PAX2: variants seen among roughly 807,000 people sequenced by gnomAD.
PAX2 encodes paired box 2, also known as paired box protein Pax-2.
PAX2 carries 9 observed loss-of-function variants against 41.7 expected under a neutral mutation model. The observed-to-expected ratio is 0.22, with a 90% CI of 0.13 to 0.38. PAX2 has a LOEUF of 0.38. Among genes scored for constraint, PAX2 ranks in the 10% least tolerant of loss-of-function variants. The pLI is 1.00. For missense variants in PAX2, 418 were observed against 531.6 expected (o/e 0.79, Z 2.10); for synonymous variants, 221 against 212.7 (o/e 1.04, Z -0.34).
chr10:100,769,669 TAA>T (rs1009617472), intron 3 of PAX2, among the ~76,000 whole-genome samples: 27 of 143,178 alleles, frequency 1.9e-4, no homozygotes, highest in Non-Finnish European at 3.5e-4. Context: ...TAAAATAAAA[TAA>T]AAAAATAAAA....
chr10:100,767,635 G>A (rs1278032933), intron 3 of PAX2, among the ~76,000 whole-genome samples: 1 of 152,112 alleles, frequency 6.6e-6, no homozygotes, highest in Admixed American at 6.6e-5. Flanking sequence ...CAGTCTGCAA[G>A]CAATTTTAAT....
At position 100,748,597 on chromosome 10, in the gene PAX2, G is replaced by A; in HGVS notation, c.44-1149G>A. The A allele has an allele frequency of 1.0e-6, 1 of 985,436 alleles. No individual in the cohort carries two copies. The highest frequency in any genetic ancestry group is 5.2e-4 in the Middle Eastern group (1 of 1,914). The allele number at this position is 985,436 out of a possible 1,614,324, so 61.0% of individuals were successfully genotyped here. A position where few individuals can be genotyped will look rare whatever the true frequency, so the allele number is the denominator to read the frequency against. The stretch of plus-strand genomic sequence containing the variant: ...TGCTCAGTACCTGCGGCTACGGGTT[G>A]ATCGCTCTGGGTGCAGGATTTCTAG... On this transcript the variant is annotated intron_variant, in intron 1 of 9. Transcript: ENST00000355243. This position sits in a 1 kb window ranked among gnomAD's most constrained non-coding sequence, Gnocchi z 5.0.
At chr10:100,780,941 C>T (rs974697797) in intron 4 of PAX2, among the ~76,000 whole-genome samples, 4 of 152,190 alleles carry the variant, frequency 2.6e-5, no homozygotes, top group Non-Finnish European at 5.9e-5. Flanking sequence ...GCCTGTACTC[C>T]ATCCGTCTTT....
upstream of PAX2, among the ~76,000 whole-genome samples, chr10:100,743,434 G>A (rs1477711202): frequency 6.7e-6 from 1 of 148,314 alleles, no homozygotes; most frequent in Admixed American, 6.7e-5. Context: ...AAGGGGGGGG[G>A]TTTACTCACA....
At chr10:100,795,451 A>G (rs1564731412) in intron 5 of PAX2, among the ~76,000 whole-genome samples, 1 of 152,222 alleles carries the variant, frequency 6.6e-6, no homozygotes, top group Non-Finnish European at 1.5e-5. Context: ...ACTCAGGGCA[A>G]CTAGGGAAGT....
At chr10:100,778,379 G>T (rs966067005) in intron 3 of PAX2, among the ~76,000 whole-genome samples, 1 of 152,124 alleles carries the variant, frequency 6.6e-6, no homozygotes, top group Non-Finnish European at 1.5e-5. Flanking sequence ...TGATTCCCTC[G>T]GGTAACTGAG....
intron 3 of PAX2, among the ~76,000 whole-genome samples, chr10:100,765,982 G>A (rs12241106): frequency 0.02 from 3,023 of 152,136 alleles, 118 homozygotes; most frequent in African/African-American, 0.07. Context: ...AGTAGGAACC[G>A]TTACAAGCAT....
chr10:100,827,635 C>T lies in PAX2; in HGVS notation c.*16C>T. The T allele has an allele frequency of 6.2e-7, 1 of 1,614,042 alleles. No homozygotes were observed. Among genetic ancestry groups the T allele is most frequent in the Non-Finnish European group, 8.5e-7 (1 of 1,179,960 alleles). ...CCGCCACTAGTTACCGCGGGGACCA[C>T]ATCAAGCTTCAGGCCGACAGCTTCG... On this transcript the variant is annotated 3_prime_UTR_variant, in exon 10 of 10. Transcript: ENST00000355243. The surrounding 1 kb of genome is among the most constrained non-coding windows in gnomAD (Gnocchi z 8.5).
chr10:100,739,826 C>T (rs1844892042), intron 1 of PAX2, among the ~76,000 whole-genome samples: 1 of 152,216 alleles, frequency 6.6e-6, no homozygotes, highest in Non-Finnish European at 1.5e-5. Flanking sequence ...GGGCCGGCTG[C>T]TAAGAGAGTT....
rs530428760 is a variant in PAX2, at chr10:100,778,226, C to T, written c.411-1272C>T. Among the ~76,000 whole-genome samples the T allele has an allele frequency of 2.0e-3, 312 of 152,288 alleles. 1 individual carries two copies. Among genetic ancestry groups the T allele is most frequent in the African/African-American group, 6.8e-3 (282 of 41,550 alleles). On this transcript the variant is annotated intron_variant, in intron 3 of 9. Coordinates refer to ENST00000355243, the MANE Select transcript of PAX2 (RefSeq NM_000278.5). ...CTGCCATGCAGCCCAGTGTCCTTTC[C>T]GCCATCCTCTGTGCCTCTGATTTCA...
chr10:100,771,326 G>T (rs1170129464), intron 3 of PAX2, among the ~76,000 whole-genome samples: 1 of 152,150 alleles, frequency 6.6e-6, no homozygotes, highest in Non-Finnish European at 1.5e-5. Context: ...TCAGAACCCT[G>T]CCTGACATAT....
chr10:100,824,643 T>C lies in PAX2; in HGVS notation c.920-5T>C, dbSNP rs1433609297. 6.2e-7 allele frequency: 1 copy of C among 1,600,670 alleles called. No individual in the cohort carries two copies. Among genetic ancestry groups the C allele is most frequent in the Non-Finnish European group, 8.6e-7 (1 of 1,167,748 alleles). On this transcript the variant is annotated splice_region_variant and splice_polypyrimidine_tract_variant and intron_variant, in intron 7 of 9. Coordinates refer to ENST00000355243, the MANE Select transcript of PAX2 (RefSeq NM_000278.5). The surrounding 1 kb of genome is among the most constrained non-coding windows in gnomAD (Gnocchi z 6.6). The stretch of plus-strand genomic sequence containing the variant: ...CCTCACCCCTTCCCCTTTGTGTTTT[T>C]CCAGGTCGTGACATGGCGAGCACCA...
intron 7 of PAX2, among the ~76,000 whole-genome samples, chr10:100,819,259 A>AAG (rs1564743846): frequency 6.9e-6 from 1 of 144,722 alleles, no homozygotes; most frequent in Non-Finnish European, 1.5e-5. Context: ...AAAAAAAAAA[A>AAG]GGGGGGGGAG....
At chr10:100,735,948 G>GA (rs1844768628) in intron 1 of PAX2, among the ~76,000 whole-genome samples, 1 of 152,228 alleles carries the variant, frequency 6.6e-6, no homozygotes, top group Non-Finnish European at 1.5e-5. Flanking sequence ...TTTCCACTCA[G>GA]AAAATGTGAG....
intron 4 of PAX2, 25 bp from the exon 5 acceptor site, chr10:100,781,221 C>A (rs1305968778): frequency 6.2e-7 from 1 of 1,613,682 alleles, no homozygotes; most frequent in Admixed American, 1.7e-5. Context: ...TATCCTGATG[C>A]CATTTCCTCC....
intron 3 of PAX2, among the ~76,000 whole-genome samples, chr10:100,777,182 A>G (rs1589842835): frequency 6.7e-6 from 1 of 149,380 alleles, no homozygotes; most frequent in East Asian, 2.0e-4. Context: ...GCTCACTGCA[A>G]CCTCCGCCTC....
intron 6 of PAX2, among the ~76,000 whole-genome samples, chr10:100,808,754 T>C (rs7893559): frequency 0.024 from 3,639 of 152,208 alleles, 95 homozygotes; most frequent in African/African-American, 0.064. Context: ...CATGTCATGG[T>C]TCCCCCTCCT....
intron 5 of PAX2, among the ~76,000 whole-genome samples, chr10:100,795,230 C>T (rs891806191): frequency 1.3e-5 from 2 of 152,194 alleles, no homozygotes; most frequent in Non-Finnish European, 2.9e-5. Context: ...ATCTGGTTTA[C>T]ATCGATGAGC....
intron 5 of PAX2, among the ~76,000 whole-genome samples, chr10:100,802,054 G>T (rs1847583361): frequency 6.6e-6 from 1 of 152,208 alleles, no homozygotes; most frequent in Admixed American, 6.5e-5. Flanking sequence ...AATGGGAGCT[G>T]GGCAGGGGGC....
Sources: gnomAD v4.1 joint callset for allele counts (sites outside exome capture counted in the v4.1 genomes callset) on GRCh38, gnomAD v4.1.1 for gene constraint, Gnocchi (gnomAD v3.1) non-coding constraint, MANE v1.5 for transcripts, NCBI Gene and HGNC (gene_info 2026-07-23, HGNC 2026-07-21) for gene names.